Variants in SPG7 observed in about 807,000 individuals in gnomAD.
SPG7 encodes SPG7 matrix AAA peptidase subunit, paraplegin.
A neutral mutation model predicts 81.9 loss-of-function variants in SPG7; 103 were observed. That is an observed-to-expected ratio of 1.26 (90% CI 1.07 to 1.48). SPG7 has a LOEUF of 1.48. SPG7 is among the 40% of genes most tolerant of loss of function. The pLI, the probability that SPG7 is intolerant of heterozygous loss-of-function variation, is 0.00. For synonymous variants in SPG7, 534 were observed against 444.2 expected (o/e 1.20, Z -2.54); for missense variants, 1,241 against 1,087.3 (o/e 1.14, Z -1.99).
At chr16:89,556,687 C>G in intron 16 of SPG7, 200 bp from the exon 17 acceptor site, 1 of 603,846 alleles carries the variant, frequency 1.7e-6, no homozygotes, top group Non-Finnish European at 3.0e-6. Context: ...AGGCTGGCCG[C>G]CGGAAAATCA....
At chr16:89,532,683 T>A in intron 9 of SPG7, 47 bp downstream of exon 9, 1 of 1,608,030 alleles carries the variant, frequency 6.2e-7, no homozygotes, top group Non-Finnish European at 8.5e-7. Flanking sequence ...TCAGAGGAGG[T>A]TTTCCGATGT....
chr16:89,530,311 A>AT (rs2058324108), intron 6 of SPG7: 1 of 340,112 alleles, frequency 2.9e-6, no homozygotes, highest in Non-Finnish European at 5.7e-6. Flanking sequence ...CACCCAGCTA[A>AT]TTTTTTTGTA....
chr16:89,533,787 T>C (rs2058377240), intron 9 of SPG7: 1 of 152,162 alleles, frequency 6.6e-6, no homozygotes, highest in Non-Finnish European at 1.5e-5. Context: ...TTATTTTTCT[T>C]CTGAGCTAGT....
At chr16:89,532,436 T>G (rs1422552695) in intron 8 of SPG7, 27 bp from the exon 9 acceptor site, 1 of 1,612,888 alleles carries the variant, frequency 6.2e-7, no homozygotes, top group Admixed American at 1.7e-5. Flanking sequence ...AACTGCCCAT[T>G]TCCTGATTCT....
At chr16:89,542,795 G>C (rs1192941729) in intron 9 of SPG7, among the ~76,000 whole-genome samples, 1 of 151,982 alleles carries the variant, frequency 6.6e-6, no homozygotes, top group East Asian at 1.9e-4. Flanking sequence ...GGAGTATAGG[G>C]GCATGATCAT....
intron 12 of SPG7, chr16:89,548,417 G>T (rs748927414): frequency 9.5e-5 from 34 of 359,376 alleles, no homozygotes; most frequent in Non-Finnish European, 1.6e-4. Context: ...AACTAAAAAT[G>T]TCTTGCCAGC....
chr16:89,554,611 C>A, intron 16 of SPG7, 48 bp downstream of exon 16: 1 of 1,294,688 alleles, frequency 7.7e-7, no homozygotes, highest in Non-Finnish European at 1.1e-6. Context: ...ACAGTGTCCA[C>A]ACAGCACCCA....
At position 89,547,869 on chromosome 16, in the gene SPG7, T is replaced by A. The variant is rs558793611; in HGVS notation, c.1553-134T>A. 1.7e-4 allele frequency: 125 copies of A among 753,820 alleles called. No homozygotes were observed. In the African/African-American group the frequency reaches 1.9e-3, roughly 11 times the overall value. The allele number at this position is 753,820 out of a possible 1,614,324, so 46.7% of individuals were successfully genotyped here. A position where few individuals can be genotyped will look rare whatever the true frequency, so the allele number is the denominator to read the frequency against. On this transcript the variant is annotated intron_variant, in intron 11 of 16. Coordinates refer to ENST00000645818, the MANE Select transcript of SPG7 (RefSeq NM_003119.4). ...CTCAGGTGATCTGCCCACCTCAGCC[T>A]CCCAAAGTGCTGGGATTACAGGGGT...
At position 89,514,308 on chromosome 16, in the gene SPG7, CTTTTTTTTTTTTT is replaced by C. The variant is rs148270097; in HGVS notation, c.376+1291_376+1303del. 154 of 48,448 alleles carry C rather than the reference CTTTTTTTTTTTTT, an allele frequency of 3.2e-3. 2 individuals carry two copies. Among genetic ancestry groups the C allele is most frequent in the African/African-American group, 0.013 (144 of 10,920 alleles). The allele number at this position is 48,448 out of a possible 1,614,324, so 3.0% of individuals were successfully genotyped here. A position where few individuals can be genotyped will look rare whatever the true frequency, so the allele number is the denominator to read the frequency against. On this transcript the variant is annotated intron_variant, in intron 3 of 16. Coordinates refer to ENST00000645818, the MANE Select transcript of SPG7 (RefSeq NM_003119.4). ...CATTTCAATAAAGTGTGTCCTTTGA[CTTTTTTTTTTTTT>C]TTTTTTTTTTTTTTTTTTTGCCAGA...
At chr16:89,548,595 A>T in intron 12 of SPG7, 1 of 285,722 alleles carries the variant, frequency 3.5e-6, no homozygotes, top group Non-Finnish European at 6.9e-6. Context: ...ACCTCTGGTG[A>T]AACTCATGGT....
Position 89,510,486 on chromosome 16 carries a change from TCA to T in SPG7, c.184-3_184-2del. The stretch of plus-strand genomic sequence containing the variant: ...CTCCAGTATTGTTTTTTTTTTTTTT[TCA>T]GAGCTTACAATTGAGACTGCTAACC... On this transcript the variant is annotated splice_acceptor_variant and splice_polypyrimidine_tract_variant and intron_variant, in intron 1 of 16. Transcript: ENST00000645818. LOFTEE classifies it high-confidence loss of function. 6.5e-7 allele frequency: 1 copy of T among 1,534,824 alleles called. No individual in the cohort carries two copies. The highest frequency in any genetic ancestry group is 1.7e-5 in the Admixed American group (1 of 58,846).
In SPG7 at chr16:89,557,547, AGCGG is replaced by A; in HGVS notation, c.*455_*458del. On this transcript the variant is annotated 3_prime_UTR_variant, in exon 17 of 17. Transcript: ENST00000645818. ...CCTGTGAGCCGATTGTCCTATCTCC[AGCGG>A]CCCTGTCATCCAGCTCACTCATCAA... 2 of 206,254 alleles carry A rather than the reference AGCGG, an allele frequency of 9.7e-6. No homozygotes were observed. Among genetic ancestry groups the A allele is most frequent in the Non-Finnish European group, 2.0e-5 (2 of 99,240 alleles). The allele number at this position is 206,254 out of a possible 1,614,324, so 12.8% of individuals were successfully genotyped here. A position where few individuals can be genotyped will look rare whatever the true frequency, so the allele number is the denominator to read the frequency against.
rs2058666734 is a variant in SPG7 at position 89,554,384 on chromosome 16, G to A, written c.2104-102G>A. On this transcript the variant is annotated intron_variant, in intron 15 of 16. Transcript: ENST00000645818. ...GGCTGAGGAGTCCTGTTCCTCCTGGGAGGGGAAAGGCCGTGTTCCCAGTCT... is the reference window on the plus strand; with the variant it reads ...GGCTGAGGAGTCCTGTTCCTCCTGGAAGGGGAAAGGCCGTGTTCCCAGTCT... 4 of 797,658 alleles carry A rather than the reference G, an allele frequency of 5.0e-6. No individual in the cohort carries two copies. In the Admixed American group the frequency reaches 7.9e-5, roughly 16 times the overall value. 49.4% of individuals were successfully genotyped at this position (797,658 alleles called of 1,614,324 possible). A position where few individuals can be genotyped will look rare whatever the true frequency, so the allele number is the denominator to read the frequency against.
rs1567918738 is a variant in SPG7 at position 89,536,472 on chromosome 16, T to TGAGGCGGGC, written c.1324+3844_1324+3845insCGAGGCGGG. On this transcript the variant is annotated intron_variant, in intron 9 of 16. Transcript: ENST00000645818. ...CTCTCGGTGAGGCGGGTGAGGCGGG[T>TGAGGCGGGC]GAGGCGGGTGAGGTCAGGTGAGGCA... Among the ~76,000 whole-genome samples, 38 of 53,508 alleles carry TGAGGCGGGC rather than the reference T, an allele frequency of 7.1e-4. No homozygotes were observed. In the South Asian group the frequency reaches 0.024, roughly 34 times the overall value. 35.1% of individuals were successfully genotyped at this position (53,508 alleles called of 152,430 possible).
Position 89,548,152 on chromosome 16 carries a change from A to G in SPG7, c.1663+39A>G, listed in dbSNP as rs1387761425. 2.1e-6 allele frequency: 3 copies of G among 1,432,300 alleles called. No homozygotes were observed. In the South Asian group the frequency reaches 3.4e-5, roughly 16 times the overall value. The allele number at this position is 1,432,300 out of a possible 1,614,324, so 88.7% of individuals were successfully genotyped here. The stretch of plus-strand genomic sequence containing the variant: ...GCCCTGGGTGAAGGCCCTCCTTAGC[A>G]GGGCTTGAACCCCAGAAATACCCAG... On this transcript the variant is annotated intron_variant, in intron 12 of 16. Coordinates refer to ENST00000645818, the MANE Select transcript of SPG7 (RefSeq NM_003119.4).
In SPG7 at chr16:89,508,483, G is replaced by A. The variant is rs1167383291; in HGVS notation, c.66G>A (p.Leu22=). 4 of 1,509,732 alleles carry A rather than the reference G, an allele frequency of 2.6e-6. No homozygotes were observed. Among genetic ancestry groups the A allele is most frequent in the Non-Finnish European group, 2.6e-6 (3 of 1,136,012 alleles). 93.5% of individuals were successfully genotyped at this position (1,509,732 alleles called of 1,614,324 possible). A position where few individuals can be genotyped will look rare whatever the true frequency, so the allele number is the denominator to read the frequency against. ...GTCCAGGCCCGGGTCCTCGGCCGCTGTGGGGCCCAGGCCCGGCCTGGAGTC... is the reference window on the plus strand; with the variant it reads ...GTCCAGGCCCGGGTCCTCGGCCGCTATGGGGCCCAGGCCCGGCCTGGAGTC... ...RRGPGPGPRP[L]WGPGPAWSPG... is the part of the protein sequence containing the mutation. The change falls in exon 1 of 17, where the codon CTG becomes CTA. Residue 22 remains leucine (L), a synonymous_variant. Coordinates refer to ENST00000645818, the MANE Select transcript of SPG7 (RefSeq NM_003119.4).
chr16:89,530,360 G>A lies in SPG7; in HGVS notation c.862-323G>A, dbSNP rs368184781. On this transcript the variant is annotated intron_variant, in intron 6 of 16. Coordinates refer to ENST00000645818, the MANE Select transcript of SPG7 (RefSeq NM_003119.4). ...CAGGTTTCACCGTGTTAGCCAGGGT[G>A]GTCTCGATCTCTTGACCTCGTGATC... 447 of 395,842 alleles carry A rather than the reference G, an allele frequency of 1.1e-3. 7 individuals are homozygous for A. In the East Asian group the frequency reaches 0.018, roughly 16 times the overall value. The allele number at this position is 395,842 out of a possible 1,614,324, so 24.5% of individuals were successfully genotyped here.
chr16:89,553,295 G>A (rs541793320), intron 14 of SPG7, 160 bp downstream of exon 14: 15 of 808,112 alleles, frequency 1.9e-5, no homozygotes, highest in African/African-American at 8.5e-5. Context: ...GAGAGTTGGA[G>A]CTAAGCAAGA....
chr16:89,536,919 A>T, intron 9 of SPG7: 1 of 1,614,060 alleles, frequency 6.2e-7, no homozygotes, highest in Non-Finnish European at 8.5e-7. Context: ...GAAGATAGAG[A>T]CCACCTTTTT....
Sources: allele counts gnomAD v4.1 joint callset (sites outside exome capture counted in the v4.1 genomes callset), GRCh38; gene constraint gnomAD v4.1.1; transcripts MANE v1.5; gene names NCBI Gene and HGNC (gene_info 2026-07-23, HGNC 2026-07-21).